The following KDM6A variants were observed in gnomAD, a reference collection of about 807,000 sequenced individuals.
KDM6A encodes lysine-specific demethylase 6A.
Under a neutral mutation model 117.6 loss-of-function variants are expected in KDM6A, and 11 were observed. The ratio of observed to expected loss-of-function variants is 0.09; its 90% confidence interval spans 0.06 to 0.15. The LOEUF (loss-of-function observed/expected upper bound fraction) is 0.15. Among genes scored for constraint, KDM6A ranks in the 10% least tolerant of loss-of-function variants. KDM6A has a pLI of 1.00. For missense variants in KDM6A, 799 were observed against 1,077.3 expected, an observed-to-expected ratio of 0.74 and a Z score of 3.62; for synonymous variants, 384 against 396.1, an observed-to-expected ratio of 0.97 and a Z score of 0.36.
chrX:44,941,447 C>T (rs1183230050), intron 2 of KDM6A, among the ~76,000 whole-genome samples: 1 of 108,938 alleles, frequency 9.2e-6, no homozygotes, highest in Non-Finnish European at 1.9e-5. Context: ...TACCCCTCCC[C>T]TCTTCCATCG....
At chrX:45,036,453 T>G (rs1374005746) in intron 7 of KDM6A, among the ~76,000 whole-genome samples, 3 of 112,072 alleles carry the variant, frequency 2.7e-5, no homozygotes, top group Non-Finnish European at 5.6e-5. Context: ...ATCTAAAGGA[T>G]TTTTACTTTC....
chrX:45,081,739 A>G (rs1055082649), intron 21 of KDM6A, among the ~76,000 whole-genome samples: 1 of 111,421 alleles, frequency 9.0e-6, no homozygotes, highest in Non-Finnish European at 1.9e-5. Context: ...GTTGGATACC[A>G]TGCCGGTGAG....
chrX:45,070,528 G>T (rs1569535910), intron 18 of KDM6A, among the ~76,000 whole-genome samples, 171 bp downstream of exon 18: 1 of 111,719 alleles, frequency 9.0e-6, no homozygotes, highest in African/African-American at 3.3e-5. Context: ...CAAATCAGAT[G>T]TGAGAAGTAT....
intron 3 of KDM6A, among the ~76,000 whole-genome samples, chrX:44,972,742 TAAATC>T (rs1472863047): frequency 1.8e-5 from 2 of 110,663 alleles, no homozygotes; most frequent in African/African-American, 6.6e-5. Context: ...TATTCAGAAG[TAAATC>T]AAATCAGGCC....
chrX:44,915,367 A>G (rs998940123), intron 2 of KDM6A, among the ~76,000 whole-genome samples: 3 of 111,759 alleles, frequency 2.7e-5, no homozygotes, highest in South Asian at 3.7e-4. Context: ...ACCTAGCCCA[A>G]TTTATTGCTT....
chrX:45,059,497 C>A, intron 12 of KDM6A, 31 bp downstream of exon 12: 1 of 1,024,561 alleles, frequency 9.8e-7, no homozygotes, highest in Non-Finnish European at 1.4e-6. Flanking sequence ...TTTTTTAAAG[C>A]CACATATTTC....
At chrX:44,912,230 A>C (rs2146802694) in intron 2 of KDM6A, among the ~76,000 whole-genome samples, 1 of 110,432 alleles carries the variant, frequency 9.1e-6, no homozygotes, top group Admixed American at 9.6e-5. Flanking sequence ...CTGGGACTAC[A>C]GGCCATGCCA....
At chrX:44,881,228 C>T (rs1407340606) in intron 2 of KDM6A, among the ~76,000 whole-genome samples, 1 of 112,373 alleles carries the variant, frequency 8.9e-6, no homozygotes, top group Non-Finnish European at 1.9e-5. Flanking sequence ...GTCAGGAGCT[C>T]GAGACCAGCC....
chrX:45,026,084 G>A (rs184976068), intron 6 of KDM6A, among the ~76,000 whole-genome samples: 121 of 112,231 alleles, frequency 1.1e-3, no homozygotes, highest in Middle Eastern at 4.6e-3. Context: ...ATGAGAAAAT[G>A]CCTACTTATA....
At chrX:45,099,093 TGCTTTTTCATATGA>T (rs1189065988) in intron 27 of KDM6A, among the ~76,000 whole-genome samples, 11 of 111,460 alleles carry the variant, frequency 9.9e-5, no homozygotes, top group Non-Finnish European at 7.5e-5. Flanking sequence ...TGCTTGCACG[TGCTTTTTCATATGA>T]GCTCTATGAA....
At chrX:45,106,691 T>C in intron 27 of KDM6A, 2 of 334,835 alleles carry the variant, frequency 6.0e-6, no homozygotes. Context: ...TGACAGAAAA[T>C]TATAGGAGAA....
intron 4 of KDM6A, among the ~76,000 whole-genome samples, chrX:44,990,591 A>AAATAAATAAAT (rs1335345598): frequency 6.5e-5 from 4 of 61,834 alleles, no homozygotes; most frequent in Non-Finnish European, 1.3e-4. Context: ...AATAAATAAA[A>AAATAAATAAAT]GCTGTCATCT....
chrX:45,036,436 T>A (rs1165820132), intron 7 of KDM6A, among the ~76,000 whole-genome samples: 1 of 112,276 alleles, frequency 8.9e-6, no homozygotes, highest in Non-Finnish European at 1.9e-5. Flanking sequence ...GGTAATTTCC[T>A]GTGAAAATCT....
chrX:44,977,887 A>AT (rs902256538), intron 4 of KDM6A, among the ~76,000 whole-genome samples: 8 of 111,389 alleles, frequency 7.2e-5, no homozygotes, highest in African/African-American at 2.0e-4. Flanking sequence ...TCTCTTGCCC[A>AT]TTTTTTTTAT....
chrX:45,035,475 T>G (rs1269938233), intron 7 of KDM6A, among the ~76,000 whole-genome samples: 2 of 111,483 alleles, frequency 1.8e-5, no homozygotes, highest in South Asian at 3.7e-4. Context: ...GGAATACATT[T>G]ACGAAGCATG....
intron 5 of KDM6A, among the ~76,000 whole-genome samples, chrX:45,013,546 A>C (rs5952668): frequency 1.8e-5 from 2 of 111,239 alleles, no homozygotes; most frequent in African/African-American, 6.6e-5. Flanking sequence ...CCTTATCTAC[A>C]TATGATTTCT....
At chrX:45,005,955 C>T (rs1228639248) in intron 4 of KDM6A, among the ~76,000 whole-genome samples, 6 of 56,355 alleles carry the variant, frequency 1.1e-4, no homozygotes, top group African/African-American at 6.0e-4. Context: ...TTCACCTCAC[C>T]CCCCCACCCC....
At chrX:44,964,188 GC>G (rs1304670948) in intron 3 of KDM6A, among the ~76,000 whole-genome samples, 1 of 109,099 alleles carries the variant, frequency 9.2e-6, no homozygotes, top group Admixed American at 9.8e-5. Context: ...GGTGGCTCAC[GC>G]CTGTAATCCC....
chrX:44,924,718 G>A lies in KDM6A; in HGVS notation c.226-36566G>A, dbSNP rs905809010. The stretch of plus-strand genomic sequence containing the variant: ...ATGTATTTATTTATTTATTGAAACA[G>A]GGTCTTGCCCTGTTGGCTGGAGTGC... On this transcript the variant is annotated intron_variant, in intron 2 of 29. Transcript: ENST00000611820. Among the ~76,000 whole-genome samples, 14 of 109,293 alleles carry A rather than the reference G, an allele frequency of 1.3e-4. No homozygotes were observed. The Admixed American group carries it at 1.4e-3, about 11-fold the overall frequency. The allele number at this position is 109,293 out of a possible 115,157, so 94.9% of individuals were successfully genotyped here.
Sources: gnomAD v4.1 joint callset for allele counts (sites outside exome capture counted in the v4.1 genomes callset) on GRCh38, gnomAD v4.1.1 for gene constraint, MANE v1.5 for transcripts, NCBI Gene and HGNC (gene_info 2026-07-23, HGNC 2026-07-21) for gene names.